RIMBP2: variants seen among roughly 807,000 people sequenced by gnomAD.
RIMBP2 encodes the protein RIMS-binding protein 2.
In RIMBP2, 48 loss-of-function variants were observed where a neutral mutation model predicts 118.6. The observed-to-expected ratio is 0.40, with a 90% CI of 0.32 to 0.51. The LOEUF (loss-of-function observed/expected upper bound fraction) is 0.51, where lower values mean the gene tolerates loss of function less well. RIMBP2 is among the 20% of genes least tolerant of loss of function. RIMBP2 has a pLI of 0.41. For missense variants in RIMBP2, 1,551 were observed against 1,768.3 expected, an observed-to-expected ratio of 0.88 and a Z score of 2.20; for synonymous variants, 762 against 742.9, an observed-to-expected ratio of 1.03 and a Z score of -0.42.
Position 130,621,174 on chromosome 12 carries a change from T to A in RIMBP2, c.-217+7148A>T, listed in dbSNP as rs2061287954. ...GTGAGTTGGAAACCCTTGAGTTCAG[T>A]CACCAGGCTCTGGAGATGGGTCTTC... On this transcript the variant is annotated intron_variant, in intron 2 of 22. Coordinates refer to ENST00000690449, the MANE Select transcript of RIMBP2 (RefSeq NM_001393629.1). This position sits in a 1 kb window ranked among gnomAD's most constrained non-coding sequence, Gnocchi z 6.6. Among the ~76,000 whole-genome samples the A allele has an allele frequency of 6.6e-6, 1 of 152,052 alleles. No individual in the cohort carries two copies. The highest frequency in any genetic ancestry group is 1.5e-5 in the Non-Finnish European group (1 of 68,024).
intron 4 of RIMBP2, among the ~76,000 whole-genome samples, chr12:130,499,228 G>A (rs761168190): frequency 8.5e-5 from 13 of 152,122 alleles, no homozygotes; most frequent in Non-Finnish European, 1.8e-4. Flanking sequence ...CTCCCACCAG[G>A]TCTCTTCCCC....
In RIMBP2 at chr12:130,617,201, C is replaced by T. The variant is rs2060999335; in HGVS notation, c.-217+11121G>A. 6.9e-6 allele frequency among the ~76,000 whole-genome samples: 1 copy of T among 144,098 alleles called. No individual in the cohort carries two copies. The highest frequency in any genetic ancestry group is 2.5e-4 in the South Asian group (1 of 4,002). 94.5% of individuals were successfully genotyped at this position (144,098 alleles called of 152,430 possible). A position where few individuals can be genotyped will look rare whatever the true frequency, so the allele number is the denominator to read the frequency against. On this transcript the variant is annotated intron_variant, in intron 2 of 22. Transcript: ENST00000690449. The surrounding 1 kb of genome is among the most constrained non-coding windows in gnomAD (Gnocchi z 4.6). ...CCCCGACCCCCGCCCCGAGTTAGTG[C>T]TGCCACCTCCATCCAGCACACAAGG...
At chr12:130,674,810 G>A (rs10773809) in intron 1 of RIMBP2, among the ~76,000 whole-genome samples, 89,598 of 150,732 alleles carry the variant, frequency 0.59, 26,685 homozygotes, top group Middle Eastern at 0.66. Flanking sequence ...CATGCTTTCC[G>A]TCTGTGTGGG....
Position 130,652,572 on chromosome 12 carries a change from C to A in RIMBP2, c.-351-24116G>T, listed in dbSNP as rs544385708. Among the ~76,000 whole-genome samples, 6 of 152,006 alleles carry A rather than the reference C, an allele frequency of 3.9e-5. No individual in the cohort carries two copies. In the East Asian group the frequency reaches 9.7e-4, roughly 24 times the overall value. ...CAATTTCTTAAAGGATTATATTGGGCCGTATCTGCATTCCCTTGAGGATAT... is the reference window on the plus strand; with the variant it reads ...CAATTTCTTAAAGGATTATATTGGGACGTATCTGCATTCCCTTGAGGATAT... On this transcript the variant is annotated intron_variant, in intron 1 of 22. Transcript: ENST00000690449.
Position 130,511,415 on chromosome 12 carries a change from C to T in RIMBP2, c.-126-4645G>A, listed in dbSNP as rs1341368882. Among the ~76,000 whole-genome samples the T allele has an allele frequency of 6.6e-6, 1 of 152,208 alleles. No individual in the cohort carries two copies. Among genetic ancestry groups the T allele is most frequent in the Non-Finnish European group, 1.5e-5 (1 of 68,036 alleles). ...AAACAGCAGTCCTCGTTACCGCGAG[C>T]ACGCGTCGAATTGTCACTCTACACC... On this transcript the variant is annotated intron_variant, in intron 3 of 22. Transcript: ENST00000690449. This position sits in a 1 kb window ranked among gnomAD's most constrained non-coding sequence, Gnocchi z 4.3.
At chr12:130,545,792 T>A (rs7134417) in intron 2 of RIMBP2, among the ~76,000 whole-genome samples, 126,342 of 152,184 alleles carry the variant, frequency 0.83, 52,553 homozygotes, top group East Asian at 0.96. Context: ...CTGCTGCCTC[T>A]ACACCAGAAG....
chr12:130,602,667 AAC>A (rs2059941534), intron 2 of RIMBP2, among the ~76,000 whole-genome samples: 1 of 152,208 alleles, frequency 6.6e-6, no homozygotes, highest in African/African-American at 2.4e-5. Flanking sequence ...ATGCGTAAGT[AAC>A]AGTCATTAAA....
chr12:130,659,802 A>C lies in RIMBP2; in HGVS notation c.-351-31346T>G, dbSNP rs150677210. Among the ~76,000 whole-genome samples the C allele has an allele frequency of 1.1e-3, 168 of 151,774 alleles. 2 individuals are homozygous for C. Among genetic ancestry groups the C allele is most frequent in the African/African-American group, 4.0e-3 (165 of 41,398 alleles). ...AGCCTGGCCAACATAGTGAAACCTC[A>C]TCTCTACTAAAAAATACAAAAATTA... is the stretch of plus-strand genomic sequence containing the variant. On this transcript the variant is annotated intron_variant, in intron 1 of 22. Transcript: ENST00000690449.
chr12:130,531,542 T>C (rs753824709), intron 2 of RIMBP2, among the ~76,000 whole-genome samples: 56 of 152,236 alleles, frequency 3.7e-4, no homozygotes, highest in Non-Finnish European at 7.8e-4. Context: ...ATAAATAATC[T>C]GAGATTTATC....
chr12:130,664,831 G>A (rs749949182), intron 1 of RIMBP2, among the ~76,000 whole-genome samples: 4 of 151,770 alleles, frequency 2.6e-5, no homozygotes, highest in Non-Finnish European at 5.9e-5. Context: ...GAATCCATCA[G>A]TCCATACTGA....
At chr12:130,656,887 C>T (rs906999197) in intron 1 of RIMBP2, among the ~76,000 whole-genome samples, 1 of 151,924 alleles carries the variant, frequency 6.6e-6, no homozygotes, top group Non-Finnish European at 1.5e-5. Flanking sequence ...CCAGCCTGGG[C>T]AACAGAATGA....
intron 3 of RIMBP2, among the ~76,000 whole-genome samples, chr12:130,509,662 GC>G (rs913250476): frequency 3.3e-5 from 5 of 152,056 alleles, no homozygotes; most frequent in Non-Finnish European, 7.4e-5. Flanking sequence ...GGTGGCCATG[GC>G]CCCCGGCCTC....
At chr12:130,406,388 T>C in intron 20 of RIMBP2, 145 bp from the exon 21 acceptor site, 1 of 601,290 alleles carries the variant, frequency 1.7e-6, no homozygotes. Flanking sequence ...TAGAAGCTAA[T>C]GAATGGCTCT....
intron 1 of RIMBP2, among the ~76,000 whole-genome samples, chr12:130,669,641 T>G (rs781760072): frequency 3.9e-5 from 6 of 152,224 alleles, no homozygotes; most frequent in African/African-American, 1.4e-4. Flanking sequence ...TCCCCAGCCA[T>G]GTGGAACTGT....
chr12:130,549,926 T>G (rs569176294), intron 2 of RIMBP2, among the ~76,000 whole-genome samples: 72 of 152,128 alleles, frequency 4.7e-4, no homozygotes, highest in Non-Finnish European at 8.7e-4. Context: ...CTTTGAGGAG[T>G]CGCCATACTG....
At chr12:130,661,390 A>G (rs7965163) in intron 1 of RIMBP2, among the ~76,000 whole-genome samples, 82,111 of 151,698 alleles carry the variant, frequency 0.54, 22,825 homozygotes, top group Non-Finnish European at 0.62. Context: ...TGTGGGAGTT[A>G]TACAAAAAGG....
At chr12:130,427,888 T>C in intron 15 of RIMBP2, 1 of 297,356 alleles carries the variant, frequency 3.4e-6, no homozygotes, top group Non-Finnish European at 6.1e-6. Flanking sequence ...GGTTCTTCTT[T>C]GTTCTATTCC....
At chr12:130,553,841 C>T (rs375882144) in intron 2 of RIMBP2, among the ~76,000 whole-genome samples, 1 of 152,222 alleles carries the variant, frequency 6.6e-6, no homozygotes, top group Non-Finnish European at 1.5e-5. Flanking sequence ...TCTCCCCAAA[C>T]TCTACATAAA....
In RIMBP2 at chr12:130,710,618, A is replaced by G. The variant is rs1229391724; in HGVS notation, c.-352+5604T>C. Reference sequence around the variant, plus strand: ...TGCCCTGCCTTCCTGGGTCCCACACAGATAGAGAAGTGGCAGGTGCTGCAC... The same window carrying G: ...TGCCCTGCCTTCCTGGGTCCCACACGGATAGAGAAGTGGCAGGTGCTGCAC... On this transcript the variant is annotated intron_variant, in intron 1 of 22. Coordinates refer to ENST00000690449, the MANE Select transcript of RIMBP2 (RefSeq NM_001393629.1). The surrounding 1 kb of genome is among the most constrained non-coding windows in gnomAD (Gnocchi z 4.3). Among the ~76,000 whole-genome samples the G allele has an allele frequency of 6.6e-6, 1 of 152,056 alleles. No homozygotes were observed. The highest frequency in any genetic ancestry group is 1.9e-4 in the East Asian group (1 of 5,182).
Sources: allele counts gnomAD v4.1 joint callset (sites outside exome capture counted in the v4.1 genomes callset), GRCh38; gene constraint gnomAD v4.1.1; non-coding constraint Gnocchi (gnomAD v3.1); transcripts MANE v1.5; gene names NCBI Gene and HGNC (gene_info 2026-07-23, HGNC 2026-07-21).